Variants in AKAP13 observed in about 807,000 individuals in gnomAD.
AKAP13 encodes the protein A-kinase anchor protein 13.
A neutral mutation model predicts 264.5 loss-of-function variants in AKAP13; 80 were observed. The observed-to-expected ratio is 0.30, with a 90% confidence interval of 0.25 to 0.36. The LOEUF (loss-of-function observed/expected upper bound fraction) is 0.36. Among genes scored for constraint, AKAP13 ranks in the 10% least tolerant of loss-of-function variants. The probability of loss-of-function intolerance (pLI) is 1.00; values close to 1 mark genes in which losing one functional copy is unlikely to be tolerated. For missense variants in AKAP13, 3,712 were observed against 3,435.2 expected (o/e 1.08, Z -2.01); for synonymous variants, 1,380 against 1,250.2 (o/e 1.10, Z -2.19).
intron 14 of AKAP13, among the ~76,000 whole-genome samples, chr15:85,676,363 G>C (rs80188827): frequency 0.016 from 2,425 of 152,308 alleles, 68 homozygotes; most frequent in African/African-American, 0.055. Context: ...CAGGAATGGT[G>C]CCCAGGTTTC....
intron 16 of AKAP13, 113 bp from the exon 17 acceptor site, chr15:85,693,164 C>G: frequency 7.2e-7 from 1 of 1,394,626 alleles, no homozygotes; most frequent in Non-Finnish European, 9.2e-7. Flanking sequence ...GTTTCTCACT[C>G]CTTTCCAAAA....
At chr15:85,598,340 G>C (rs1368218814) in intron 8 of AKAP13, among the ~76,000 whole-genome samples, 1 of 152,138 alleles carries the variant, frequency 6.6e-6, no homozygotes, top group Non-Finnish European at 1.5e-5. Flanking sequence ...TACTTTGTGG[G>C]CAACAGGACA....
chr15:85,723,461 G>A (rs2087415617), intron 26 of AKAP13, 141 bp downstream of exon 26: 1 of 1,209,022 alleles, frequency 8.3e-7, no homozygotes, highest in Non-Finnish European at 1.1e-6. Flanking sequence ...CAAGCATTTA[G>A]TTCTTCGTAA....
At position 85,708,084 on chromosome 15, in the gene AKAP13, A is replaced by G; in HGVS notation, c.5530A>G (p.Lys1844Glu). ...SLASCAKVKM[K>E]QPKGSLQAHD... ...AGCCTCCTGTGCAAAGGTCAAAATG[A>G]AGGTAAGACTTTCTGGCTAAAACAA... is the stretch of plus-strand genomic sequence containing the variant. The change falls in exon 18 of 37, where the codon AAG becomes GAG. Residue 1844 changes from lysine to glutamate, a missense_variant and splice_region_variant. Physicochemically the swap from Lys to Glu is moderately conservative, Grantham distance 56. Transcript: ENST00000394518. This position sits in a 1 kb window ranked among gnomAD's most constrained non-coding sequence, Gnocchi z 4.3. 1 of 1,613,672 alleles carries G rather than the reference A, an allele frequency of 6.2e-7. No individual in the cohort carries two copies. The highest frequency in any genetic ancestry group is 8.5e-7 in the Non-Finnish European group (1 of 1,179,722).
Position 85,580,039 on chromosome 15 carries a change from A to G in AKAP13, c.1971A>G (p.Gly657=), listed in dbSNP as rs879417407. 10 of 1,614,208 alleles carry G rather than the reference A, an allele frequency of 6.2e-6. No individual in the cohort carries two copies. The highest frequency in any genetic ancestry group is 8.5e-6 in the Non-Finnish European group (10 of 1,180,032). Residue 657 remains glycine, a synonymous_variant, in exon 7 of 37, where the codon GGA becomes GGG. Coordinates refer to ENST00000394518, the MANE Select transcript of AKAP13 (RefSeq NM_007200.5). ...GKSSPICSTT[G]DDKLCADSAC... ...CCTCACCCATTTGTTCTACAACTGG[A>G]GACGATAAACTTTGTGCAGACTCTG...
At chr15:85,455,250 G>A (rs954979245) in intron 1 of AKAP13, among the ~76,000 whole-genome samples, 1 of 152,084 alleles carries the variant, frequency 6.6e-6, no homozygotes, top group African/African-American at 2.4e-5. Flanking sequence ...ATTGGCAAAT[G>A]TGTTAATTAG....
chr15:85,437,684 T>C (rs1176614735), intron 1 of AKAP13, among the ~76,000 whole-genome samples: 1 of 152,238 alleles, frequency 6.6e-6, no homozygotes, highest in Non-Finnish European at 1.5e-5. Flanking sequence ...TCAATAAATG[T>C]AATCCAGCAT....
At chr15:85,686,762 C>A (rs184919162) in intron 16 of AKAP13, among the ~76,000 whole-genome samples, 1 of 152,158 alleles carries the variant, frequency 6.6e-6, no homozygotes, top group African/African-American at 2.4e-5. Context: ...TCCCCTTGGA[C>A]AGAGCAATAT....
intron 17 of AKAP13, among the ~76,000 whole-genome samples, chr15:85,706,703 A>G (rs373572241): frequency 2.3e-4 from 35 of 152,350 alleles, no homozygotes; most frequent in African/African-American, 8.2e-4. Flanking sequence ...AATAGGATGC[A>G]TGAGCTAGGC....
chr15:85,396,901 CTTTTTT>C (rs34499592), intron 1 of AKAP13, among the ~76,000 whole-genome samples: 2 of 114,630 alleles, frequency 1.7e-5, no homozygotes, highest in Non-Finnish European at 3.7e-5. Flanking sequence ...GTATGTTAGA[CTTTTTT>C]TTTTTTTTTT....
At position 85,691,054 on chromosome 15, in the gene AKAP13, A is replaced by G. The variant is rs376719627; in HGVS notation, c.5290-2223A>G. ...TCTACGTTGTAAAATGGGAAGCATA[A>G]TGCTCACCCTGCCCACTTCAGAGTT... On this transcript the variant is annotated intron_variant, in intron 16 of 36. Transcript: ENST00000394518. Among the ~76,000 whole-genome samples, 29 of 152,308 alleles carry G rather than the reference A, an allele frequency of 1.9e-4. No individual in the cohort carries two copies. The East Asian group carries it at 5.0e-3, about 26-fold the overall frequency.
At chr15:85,527,431 C>G (rs140280458) in intron 3 of AKAP13, among the ~76,000 whole-genome samples, 26 of 152,238 alleles carry the variant, frequency 1.7e-4, no homozygotes, top group African/African-American at 6.3e-4. Flanking sequence ...CACAGTTACA[C>G]AAATTTGTGG....
chr15:85,442,715 G>A (rs1378783529), intron 1 of AKAP13, among the ~76,000 whole-genome samples: 1 of 151,244 alleles, frequency 6.6e-6, no homozygotes, highest in Non-Finnish European at 1.5e-5. Context: ...TTGCCATCCT[G>A]ATTTTGGCTC....
chr15:85,501,334 G>A (rs773865002), intron 2 of AKAP13, among the ~76,000 whole-genome samples: 56 of 152,226 alleles, frequency 3.7e-4, no homozygotes, highest in Middle Eastern at 6.8e-3. Flanking sequence ...CCATATACTC[G>A]TGATTATGTG....
intron 8 of AKAP13, among the ~76,000 whole-genome samples, chr15:85,614,756 G>A (rs185170163): frequency 3.2e-4 from 48 of 152,266 alleles, no homozygotes; most frequent in Non-Finnish European, 1.5e-5. Flanking sequence ...TTAGCTGTGT[G>A]ATGTTATATA....
Position 85,645,924 on chromosome 15 carries a change from T to C in AKAP13, c.4344T>C (p.Ser1448=). ...GSDSDLFHSP[S]DDMDSIIFPK... ...ATTCTGACCTCTTTCACTCACCCAG[T>C]GATGACATGGACAGCATCATCTTCC... The change falls in exon 10 of 37, where the codon AGT becomes AGC. Residue 1448 remains serine, a synonymous_variant. Coordinates refer to ENST00000394518, the MANE Select transcript of AKAP13 (RefSeq NM_007200.5). 1 of 1,613,992 alleles carries C rather than the reference T, an allele frequency of 6.2e-7. No homozygotes were observed. Among genetic ancestry groups the C allele is most frequent in the South Asian group, 1.1e-5 (1 of 91,080 alleles).
In AKAP13 at chr15:85,579,947, G is replaced by A; in HGVS notation, c.1879G>A (p.Glu627Lys). ...PSDLALLGLE[E>K]DVMPHQNSET... ...AGATTTAGCCCTTCTTGGGCTGGAA[G>A]AAGATGTAATGCCACACCAGAACTC... Residue 627 changes from glutamate (E) to lysine (K), a missense_variant, in exon 7 of 37, where the codon GAA (glutamate) becomes AAA (lysine). Physicochemically the swap from Glu to Lys is moderately conservative, Grantham distance 56. Transcript: ENST00000394518. The A allele has an allele frequency of 2.5e-6, 4 of 1,614,194 alleles. No individual in the cohort carries two copies. The South Asian group carries it at 4.4e-5, about 18-fold the overall frequency.
chr15:85,541,600 G>A (rs566760019), intron 4 of AKAP13, among the ~76,000 whole-genome samples: 5 of 152,278 alleles, frequency 3.3e-5, no homozygotes, highest in East Asian at 1.9e-4. Context: ...TTGTTTGTTT[G>A]TTTGTTTAAT....
In AKAP13 at chr15:85,655,640, TGGA is replaced by T. The variant is rs573094038; in HGVS notation, c.4609_4611del (p.Glu1537del). 2.5e-6 allele frequency: 4 copies of T among 1,613,994 alleles called. No individual in the cohort carries two copies. The highest frequency in any genetic ancestry group is 3.4e-6 in the Non-Finnish European group (4 of 1,180,020). Reference sequence around the variant, plus strand: ...AGTGAGCCTGCTGACCCAGGCGACGTGGAGGAGGAGGAGATGGACAGTATCACT... The same window carrying T: ...AGTGAGCCTGCTGACCCAGGCGACGTGGAGGAGGAGATGGACAGTATCACT... On this transcript the variant is annotated inframe_deletion, in exon 11 of 37. Transcript: ENST00000394518.
Sources: gnomAD v4.1 joint callset for allele counts (sites outside exome capture counted in the v4.1 genomes callset) on GRCh38, gnomAD v4.1.1 for gene constraint, Gnocchi (gnomAD v3.1) non-coding constraint, MANE v1.5 for transcripts, NCBI Gene and HGNC (gene_info 2026-07-23, HGNC 2026-07-21) for gene names.